Variants in AGMO observed in about 807,000 individuals in gnomAD.
The protein encoded by AGMO is alkylglycerol monooxygenase.
Under a neutral mutation model 60.2 loss-of-function variants are expected in AGMO, and 75 were observed. The ratio of observed to expected loss-of-function variants is 1.25; its 90% CI spans 1.03 to 1.51. The LOEUF (loss-of-function observed/expected upper bound fraction) is 1.51. Among genes scored for constraint, AGMO ranks in the 40% most tolerant of loss-of-function variants. The pLI is 0.00. For missense variants in AGMO, 763 were observed against 525.5 expected, an observed-to-expected ratio of 1.45 and a Z score of -4.42; for synonymous variants, 261 against 177.1, an observed-to-expected ratio of 1.47 and a Z score of -3.76.
intron 3 of AGMO, among the ~76,000 whole-genome samples, chr7:15,435,876 T>A (rs73288442): frequency 0.037 from 5,638 of 152,274 alleles, 331 homozygotes; most frequent in African/African-American, 0.13. Flanking sequence ...TAAAATATGT[T>A]CTCTCCTATC....
At chr7:15,451,549 GCAGA>G (rs1259537997) in intron 3 of AGMO, among the ~76,000 whole-genome samples, 3 of 151,960 alleles carry the variant, frequency 2.0e-5, no homozygotes, top group Non-Finnish European at 4.4e-5. Context: ...TGGTGGACGA[GCAGA>G]CAAATTCCCT....
At chr7:15,143,891 C>T in the AGMO span, among the ~76,000 whole-genome samples, 9 of 152,126 alleles carry the variant, frequency 5.9e-5, no homozygotes, top group African/African-American at 2.2e-4. Context: ...GGATAGATTG[C>T]TCAGGAATTA....
intron 12 of AGMO, among the ~76,000 whole-genome samples, chr7:15,323,769 G>A (rs979864687): frequency 6.6e-6 from 1 of 152,140 alleles, no homozygotes; most frequent in South Asian, 2.1e-4. Context: ...GGAAAGCCTC[G>A]TGGTATTGTG....
At chr7:15,152,583 G>C in the AGMO span, among the ~76,000 whole-genome samples, 2 of 152,058 alleles carry the variant, frequency 1.3e-5, no homozygotes, top group African/African-American at 2.4e-5. Context: ...TTATGAGTGA[G>C]AATATATGAT....
intron 12 of AGMO, among the ~76,000 whole-genome samples, chr7:15,299,224 AAATAT>A (rs1389127744): frequency 6.6e-5 from 10 of 151,966 alleles, no homozygotes; most frequent in African/African-American, 9.7e-5. Context: ...TCTGTATAAT[AAATAT>A]AATAATATAA....
intron 12 of AGMO, among the ~76,000 whole-genome samples, chr7:15,272,067 G>A (rs574719729): frequency 6.6e-6 from 1 of 152,120 alleles, no homozygotes; most frequent in East Asian, 1.9e-4. Flanking sequence ...TGTGCTACTG[G>A]ATTTACTTTG....
intron 12 of AGMO, among the ~76,000 whole-genome samples, chr7:15,272,012 T>G (rs1450067195): frequency 6.6e-6 from 1 of 152,166 alleles, no homozygotes; most frequent in Non-Finnish European, 1.5e-5. Context: ...CATCTTTGCA[T>G]CTCTGGAATA....
At chr7:15,322,515 T>A (rs866553881) in intron 12 of AGMO, among the ~76,000 whole-genome samples, 3 of 76,958 alleles carry the variant, frequency 3.9e-5, no homozygotes, top group African/African-American at 6.3e-5. Context: ...AATATATATA[T>A]AAATATATAT....
chr7:15,455,502 A>C (rs964163503), intron 3 of AGMO, among the ~76,000 whole-genome samples: 1 of 151,864 alleles, frequency 6.6e-6, no homozygotes, highest in Admixed American at 6.6e-5. Context: ...GGTTTCTTTA[A>C]TCTCTCTCCT....
At chr7:15,550,993 G>T (rs888709996) in intron 2 of AGMO, among the ~76,000 whole-genome samples, 2 of 139,432 alleles carry the variant, frequency 1.4e-5, no homozygotes, top group Non-Finnish European at 3.1e-5. Flanking sequence ...TTCATCCCTG[G>T]GATGCAAGGC....
chr7:15,520,993 T>C (rs991368483), intron 3 of AGMO, among the ~76,000 whole-genome samples: 1 of 151,560 alleles, frequency 6.6e-6, no homozygotes, highest in African/African-American at 2.4e-5. Context: ...ACAGACACAA[T>C]AAAAAAATGA....
At chr7:15,370,700 C>A (rs1800588136) in intron 10 of AGMO, among the ~76,000 whole-genome samples, 1 of 151,860 alleles carries the variant, frequency 6.6e-6, no homozygotes, top group African/African-American at 2.4e-5. Flanking sequence ...TTGAGAGGTG[C>A]CTGTTTATGT....
chr7:15,557,258 A>G (rs1785169818), intron 2 of AGMO, among the ~76,000 whole-genome samples: 1 of 152,120 alleles, frequency 6.6e-6, no homozygotes, highest in East Asian at 1.9e-4. Context: ...CCACATGCTT[A>G]TTTGGAATTA....
chr7:15,166,057 C>A, the AGMO span, among the ~76,000 whole-genome samples: 1 of 152,120 alleles, frequency 6.6e-6, no homozygotes, highest in African/African-American at 2.4e-5. Context: ...ACAAAACAGA[C>A]AACGACCCCA....
intron 12 of AGMO, among the ~76,000 whole-genome samples, chr7:15,224,682 G>A (rs1266201303): frequency 6.6e-6 from 1 of 151,910 alleles, no homozygotes; most frequent in Non-Finnish European, 1.5e-5. Context: ...AACTCTCTAT[G>A]CTTGAAAAAT....
At chr7:15,466,527 A>G (rs952184876) in intron 3 of AGMO, among the ~76,000 whole-genome samples, 13 of 152,302 alleles carry the variant, frequency 8.5e-5, no homozygotes, top group African/African-American at 2.6e-4. Flanking sequence ...GCTGAGAAAG[A>G]TTAAGGAACT....
At chr7:15,525,822 C>T (rs1450521320) in intron 3 of AGMO, among the ~76,000 whole-genome samples, 1 of 152,154 alleles carries the variant, frequency 6.6e-6, no homozygotes, top group Non-Finnish European at 1.5e-5. Context: ...CATCAGGCTG[C>T]AGACAGTGGG....
At chr7:15,310,106 G>C (rs1337385983) in intron 12 of AGMO, among the ~76,000 whole-genome samples, 1 of 152,126 alleles carries the variant, frequency 6.6e-6, no homozygotes, top group African/African-American at 2.4e-5. Flanking sequence ...ATTAGCAGCT[G>C]CTATGAGCAA....
chr7:15,175,227 A>G, the AGMO span, among the ~76,000 whole-genome samples: 3 of 151,928 alleles, frequency 2.0e-5, no homozygotes, highest in Non-Finnish European at 4.4e-5. Flanking sequence ...AAACATATCA[A>G]TATATTCTTC....
Sources: allele counts gnomAD v4.1 joint callset (sites outside exome capture counted in the v4.1 genomes callset), GRCh38; gene constraint gnomAD v4.1.1; transcripts MANE v1.5; gene names NCBI Gene and HGNC (gene_info 2026-07-23, HGNC 2026-07-21).